COPS3: variants seen among roughly 807,000 people sequenced by gnomAD.
COPS3 encodes COP9 signalosome complex subunit 3.
A neutral mutation model predicts 58.2 loss-of-function variants in COPS3; 10 were observed. The observed-to-expected ratio is 0.17, with a 90% CI of 0.11 to 0.29. The LOEUF is 0.29. COPS3 is among the 10% of genes least tolerant of loss of function. The pLI is 1.00. For missense variants in COPS3, 333 were observed against 510.1 expected, an observed-to-expected ratio of 0.65 and a Z score of 3.34; for synonymous variants, 187 against 181.7, an observed-to-expected ratio of 1.03 and a Z score of -0.24.
intron 2 of COPS3, among the ~76,000 whole-genome samples, chr17:17,271,836 A>C (rs28437932): frequency 8.9e-5 from 7 of 79,096 alleles, no homozygotes; most frequent in African/African-American, 1.3e-4. Context: ...AAATCTATAT[A>C]TATCTATATA....
chr17:17,265,578 T>C (rs940644371), intron 5 of COPS3, among the ~76,000 whole-genome samples: 5 of 152,092 alleles, frequency 3.3e-5, no homozygotes, highest in African/African-American at 9.7e-5. Context: ...TTTGTATTTT[T>C]AGTAGAGACA....
chr17:17,263,931 T>C (rs2048166541), intron 6 of COPS3, among the ~76,000 whole-genome samples: 1 of 152,248 alleles, frequency 6.6e-6, no homozygotes, highest in South Asian at 2.1e-4. Context: ...AGTGCATTTT[T>C]ATAATTTTCC....
chr17:17,268,002 G>A (rs994657038), intron 4 of COPS3, 25 bp from the exon 5 acceptor site: 3 of 1,611,524 alleles, frequency 1.9e-6, no homozygotes, highest in Non-Finnish European at 2.5e-6. Context: ...ATCTCTTTCA[G>A]ATAAGTTCTC....
At chr17:17,256,832 C>G (rs557295713) in intron 8 of COPS3, among the ~76,000 whole-genome samples, 1 of 152,244 alleles carries the variant, frequency 6.6e-6, no homozygotes, top group Non-Finnish European at 1.5e-5. Flanking sequence ...TTCAACGTAT[C>G]TTCCTGCCTC....
chr17:17,248,874 A>G, intron 10 of COPS3, 52 bp downstream of exon 10: 1 of 1,169,156 alleles, frequency 8.6e-7, no homozygotes, highest in Non-Finnish European at 1.2e-6. Flanking sequence ...GCAATTTTCA[A>G]ATACATCTCA....
intron 11 of COPS3, 73 bp downstream of exon 11, chr17:17,247,407 T>C: frequency 7.3e-7 from 1 of 1,365,700 alleles, no homozygotes; most frequent in South Asian, 1.2e-5. Flanking sequence ...GAAACTTAGT[T>C]CCTGTGCCTG....
At chr17:17,275,094 A>ATTTT (rs11372300) in intron 2 of COPS3, among the ~76,000 whole-genome samples, 4 of 144,312 alleles carry the variant, frequency 2.8e-5, no homozygotes, top group Non-Finnish European at 3.0e-5. Context: ...GCAACAACTG[A>ATTTT]TTTTTTTTTT....
At chr17:17,276,960 G>A (rs749418262) in intron 1 of COPS3, among the ~76,000 whole-genome samples, 7 of 152,080 alleles carry the variant, frequency 4.6e-5, no homozygotes, top group African/African-American at 7.2e-5. Flanking sequence ...AAGTGCAAAC[G>A]CCTCAGCCTG....
chr17:17,272,371 T>C (rs2048371364), intron 2 of COPS3, among the ~76,000 whole-genome samples: 1 of 151,910 alleles, frequency 6.6e-6, no homozygotes. Context: ...TGCAGTGAGC[T>C]GAGATCGTGC....
chr17:17,261,624 C>T (rs755700682), intron 7 of COPS3: 8 of 425,806 alleles, frequency 1.9e-5, no homozygotes, highest in Non-Finnish European at 3.2e-5. Context: ...CTCTGGGAGG[C>T]AGACGCAGAA....
intron 8 of COPS3, among the ~76,000 whole-genome samples, chr17:17,258,106 G>A (rs1346839246): frequency 6.6e-6 from 1 of 152,140 alleles, no homozygotes; most frequent in African/African-American, 2.4e-5. Flanking sequence ...GTCCTTTAAA[G>A]ACACGGTTCC....
intron 8 of COPS3, among the ~76,000 whole-genome samples, chr17:17,259,827 G>A (rs1338051020): frequency 2.0e-5 from 3 of 152,016 alleles, no homozygotes; most frequent in African/African-American, 7.2e-5. Context: ...TCAGGAGGCA[G>A]AGGGTGCAAT....
At chr17:17,263,941 C>T (rs904290955) in intron 6 of COPS3, among the ~76,000 whole-genome samples, 2 of 152,150 alleles carry the variant, frequency 1.3e-5, no homozygotes, top group African/African-American at 2.4e-5. Context: ...TATAATTTTC[C>T]GAATGCGTAG....
intron 1 of COPS3, among the ~76,000 whole-genome samples, chr17:17,279,199 T>C (rs9890700): frequency 0.037 from 5,615 of 152,190 alleles, 315 homozygotes; most frequent in African/African-American, 0.12. Flanking sequence ...TCCTATCCAG[T>C]GAGTGTGAGG....
At chr17:17,253,796 C>T (rs192899510) in intron 9 of COPS3, among the ~76,000 whole-genome samples, 5 of 152,100 alleles carry the variant, frequency 3.3e-5, no homozygotes, top group African/African-American at 1.2e-4. Flanking sequence ...TCTTTGTATA[C>T]CAAAAATATT....
At chr17:17,274,710 A>G (rs1279348334) in intron 2 of COPS3, among the ~76,000 whole-genome samples, 2 of 151,246 alleles carry the variant, frequency 1.3e-5, no homozygotes, top group Non-Finnish European at 2.9e-5. Context: ...GATGTAAGCC[A>G]CTGTGTCTGG....
At chr17:17,271,828 ATC>A (rs2048351109) in intron 2 of COPS3, among the ~76,000 whole-genome samples, 1 of 76,710 alleles carries the variant, frequency 1.3e-5, no homozygotes, top group Non-Finnish European at 2.7e-5. Context: ...CAAAAAAAAA[ATC>A]TATATATATC....
chr17:17,274,669 C>T (rs183595656), intron 2 of COPS3, among the ~76,000 whole-genome samples: 42 of 152,076 alleles, frequency 2.8e-4, no homozygotes, highest in East Asian at 1.9e-4. Context: ...GTGATCCACC[C>T]GCCTTGGCCT....
chr17:17,280,452 C>A (rs1212367707), intron 1 of COPS3: 7 of 763,142 alleles, frequency 9.2e-6, no homozygotes, highest in Admixed American at 9.8e-5. Flanking sequence ...CTCAGCTACT[C>A]GGGAGGCTGA....
Sources: allele counts gnomAD v4.1 joint callset (sites outside exome capture counted in the v4.1 genomes callset), GRCh38; gene constraint gnomAD v4.1.1; transcripts MANE v1.5; gene names NCBI Gene and HGNC (gene_info 2026-07-23, HGNC 2026-07-21).